Variants in NFIB observed in about 807,000 individuals in gnomAD.
NFIB encodes nuclear factor I B, also known as nuclear factor 1 B-type.
NFIB carries 11 observed loss-of-function variants against 61.5 expected under a neutral mutation model. That is an observed-to-expected ratio of 0.18 (90% CI 0.11 to 0.30). The LOEUF is 0.30. Ranked by LOEUF, NFIB falls within the 10% of genes least tolerant of loss-of-function variation. The pLI is 1.00. For synonymous variants in NFIB, 260 were observed against 216.5 expected, an observed-to-expected ratio of 1.20 and a Z score of -1.76; for missense variants, 471 against 608.9, an observed-to-expected ratio of 0.77 and a Z score of 2.38.
chr9:14,455,657 G>C, the NFIB span, among the ~76,000 whole-genome samples: 1 of 152,154 alleles, frequency 6.6e-6, no homozygotes, highest in South Asian at 2.1e-4. Flanking sequence ...GCTAGAAACA[G>C]TTAAGAAGCT....
chr9:14,397,768 T>A (rs572582489), intron 1 of NFIB, among the ~76,000 whole-genome samples: 2 of 152,370 alleles, frequency 1.3e-5, no homozygotes, highest in African/African-American at 4.8e-5. Flanking sequence ...AAAGACACCA[T>A]TATTAATTAA....
In NFIB at chr9:14,133,799, C is replaced by T. The variant is rs78818246; in HGVS notation, c.926-8033G>A. On this transcript the variant is annotated intron_variant, in intron 6 of 10. Coordinates refer to ENST00000380953, the MANE Select transcript of NFIB (RefSeq NM_001190737.2). Reference sequence around the variant, plus strand: ...CTGCCAGATACTTAAGATCCCAGTCCAAAGCTTTGAGGTATTTATTTCTAA... The same window carrying T: ...CTGCCAGATACTTAAGATCCCAGTCTAAAGCTTTGAGGTATTTATTTCTAA... Among the ~76,000 whole-genome samples, 1,182 of 152,206 alleles carry T rather than the reference C, an allele frequency of 7.8e-3. 13 individuals carry two copies. The highest frequency in any genetic ancestry group is 0.025 in the African/African-American group (1,058 of 41,524).
chr9:14,363,002 C>G (rs2061257706), intron 1 of NFIB: 1 of 152,080 alleles, frequency 6.6e-6, no homozygotes, highest in African/African-American at 2.4e-5. Context: ...TTTTAGGGGC[C>G]TCTTCCAAAC....
chr9:14,396,508 A>G (rs1377776447), intron 1 of NFIB, among the ~76,000 whole-genome samples: 3 of 152,170 alleles, frequency 2.0e-5, no homozygotes, highest in East Asian at 1.9e-4. Flanking sequence ...TTTTTGGTGT[A>G]TTATAGGCTA....
In NFIB at chr9:14,313,887, G is replaced by T. The variant is rs2060410488; in HGVS notation, c.-376C>A. ...GTTGGGGTGTAGGGGGTGCGCGAAG[G>T]TTCGGTGTGGGTTGGATTGGGGTGG... On this transcript the variant is annotated 5_prime_UTR_variant, in exon 1 of 11. Transcript: ENST00000380953. The surrounding 1 kb of genome is among the most constrained non-coding windows in gnomAD (Gnocchi z 4.5). 1 of 1,086,996 alleles carries T rather than the reference G, an allele frequency of 9.2e-7. No homozygotes were observed. The highest frequency in any genetic ancestry group is 1.1e-6 in the Non-Finnish European group (1 of 894,750). 67.3% of individuals were successfully genotyped at this position (1,086,996 alleles called of 1,614,324 possible).
chr9:14,287,782 G>C (rs1795035942), intron 2 of NFIB, among the ~76,000 whole-genome samples: 1 of 152,010 alleles, frequency 6.6e-6, no homozygotes, highest in South Asian at 2.1e-4. Context: ...TATTCTGGAA[G>C]AGGCATCATT....
chr9:14,444,168 T>C, the NFIB span, among the ~76,000 whole-genome samples: 1 of 152,204 alleles, frequency 6.6e-6, no homozygotes, highest in Admixed American at 6.5e-5. Context: ...AGATATCAAA[T>C]ATGCTGTTAG....
At chr9:14,230,644 T>A (rs1000736258) in intron 2 of NFIB, among the ~76,000 whole-genome samples, 1 of 152,108 alleles carries the variant, frequency 6.6e-6, no homozygotes, top group Non-Finnish European at 1.5e-5. Context: ...AAAGGGTGAA[T>A]AAAAATTAGC....
chr9:14,390,519 G>A (rs2061607353), intron 1 of NFIB, among the ~76,000 whole-genome samples: 1 of 152,150 alleles, frequency 6.6e-6, no homozygotes, highest in African/African-American at 2.4e-5. Context: ...AGACAAAGTT[G>A]TCATAATTTG....
chr9:14,283,659 G>C (rs2058525242), intron 2 of NFIB, among the ~76,000 whole-genome samples: 1 of 152,176 alleles, frequency 6.6e-6, no homozygotes, highest in African/African-American at 2.4e-5. Context: ...AATGAAATCA[G>C]AAGAGAAAAA....
the NFIB span, among the ~76,000 whole-genome samples, chr9:14,404,160 G>T: frequency 6.6e-6 from 1 of 152,134 alleles, no homozygotes; most frequent in Non-Finnish European, 1.5e-5. Flanking sequence ...CTGTGGTGTG[G>T]TCCATCTATC....
the NFIB span, among the ~76,000 whole-genome samples, chr9:14,465,537 C>G: frequency 6.6e-6 from 1 of 150,734 alleles, no homozygotes; most frequent in Non-Finnish European, 1.5e-5. Context: ...TCACCGTCAA[C>G]CAAAGCATAT....
the NFIB span, among the ~76,000 whole-genome samples, chr9:14,492,830 G>T: frequency 6.6e-6 from 1 of 152,132 alleles, no homozygotes; most frequent in Non-Finnish European, 1.5e-5. Context: ...AGAGGCTAAG[G>T]GCCATGATGT....
intron 2 of NFIB, among the ~76,000 whole-genome samples, chr9:14,249,351 CTT>C (rs918494341): frequency 2.0e-5 from 3 of 151,994 alleles, no homozygotes; most frequent in African/African-American, 7.3e-5. Context: ...TTTTTCTTTT[CTT>C]AAGTATTACC....
intron 2 of NFIB, among the ~76,000 whole-genome samples, chr9:14,193,915 A>G (rs1447194577): frequency 6.6e-6 from 1 of 152,194 alleles, no homozygotes; most frequent in Non-Finnish European, 1.5e-5. Flanking sequence ...CTTAGCTGCC[A>G]GCATTGCACC....
At chr9:14,155,178 C>T (rs1457754805) in intron 4 of NFIB, among the ~76,000 whole-genome samples, 3 of 152,066 alleles carry the variant, frequency 2.0e-5, no homozygotes, top group Non-Finnish European at 2.9e-5. Context: ...TTTGTACATG[C>T]TAGTAATAAG....
At chr9:14,325,388 A>G in intron 1 of NFIB, among the ~76,000 whole-genome samples, 1 of 152,176 alleles carries the variant, frequency 6.6e-6, no homozygotes, top group East Asian at 1.9e-4. Flanking sequence ...CCTAAAGCCA[A>G]TTAACTGGTA....
chr9:14,430,669 C>T, the NFIB span, among the ~76,000 whole-genome samples: 57,035 of 151,788 alleles, frequency 0.38, 11,375 homozygotes, highest in Admixed American at 0.52. Flanking sequence ...GCAACCTCTG[C>T]CTCCCAGGTT....
chr9:14,427,818 T>G, the NFIB span, among the ~76,000 whole-genome samples: 1 of 151,676 alleles, frequency 6.6e-6, no homozygotes, highest in Admixed American at 6.6e-5. Flanking sequence ...AAATTTGAAA[T>G]AGACAAAGAA....
Sources: gnomAD v4.1 joint callset for allele counts (sites outside exome capture counted in the v4.1 genomes callset) on GRCh38, gnomAD v4.1.1 for gene constraint, Gnocchi (gnomAD v3.1) non-coding constraint, MANE v1.5 for transcripts, NCBI Gene and HGNC (gene_info 2026-07-23, HGNC 2026-07-21) for gene names.